The following MDGA2 variants were observed in gnomAD, a reference collection of about 807,000 sequenced individuals.
MDGA2 encodes MAM domain containing glycosylphosphatidylinositol anchor 2, also known as MAM domain-containing glycosylphosphatidylinositol anchor protein 2.
MDGA2 carries 40 observed loss-of-function variants against 117.8 expected under a neutral mutation model. The observed-to-expected ratio is 0.34, with a 90% CI of 0.26 to 0.44. MDGA2 has a LOEUF of 0.44. Among genes scored for constraint, MDGA2 ranks in the 20% least tolerant of loss-of-function variants. The probability of loss-of-function intolerance (pLI) is 1.00; values close to 1 mark genes in which losing one functional copy is unlikely to be tolerated. For missense variants in MDGA2, 1,123 were observed against 1,250.6 expected (o/e 0.90, Z 1.54); for synonymous variants, 452 against 439.0 (o/e 1.03, Z -0.37).
At chr14:47,046,600 T>A (rs373991208) in intron 7 of MDGA2, among the ~76,000 whole-genome samples, 1 of 124,112 alleles carries the variant, frequency 8.1e-6, no homozygotes, top group Non-Finnish European at 1.8e-5. Flanking sequence ...TAAAGTATAA[T>A]AAAAATAAAT....
intron 4 of MDGA2, among the ~76,000 whole-genome samples, chr14:47,140,347 G>A (rs1475014046): frequency 2.6e-5 from 4 of 151,984 alleles, no homozygotes; most frequent in East Asian, 3.9e-4. Flanking sequence ...AAATTTCTAT[G>A]AAACCACAAA....
chr14:47,631,746 C>A (rs1897251134), intron 1 of MDGA2, among the ~76,000 whole-genome samples: 1 of 152,068 alleles, frequency 6.6e-6, no homozygotes, highest in Admixed American at 6.5e-5. Flanking sequence ...TTTGTAAGGT[C>A]CTTCTTAGTC....
chr14:47,530,321 G>A (rs1055158946), intron 1 of MDGA2, among the ~76,000 whole-genome samples: 2 of 152,102 alleles, frequency 1.3e-5, no homozygotes, highest in Non-Finnish European at 2.9e-5. Flanking sequence ...CTAGCTTCAC[G>A]TCCTGTTTCT....
intron 1 of MDGA2, among the ~76,000 whole-genome samples, chr14:47,544,763 A>G (rs2138763676): frequency 6.6e-6 from 1 of 152,234 alleles, no homozygotes; most frequent in Middle Eastern, 3.4e-3. Flanking sequence ...TCCAGTCTGT[A>G]CTAGATAATA....
chr14:47,625,317 A>T (rs77380621), intron 1 of MDGA2, among the ~76,000 whole-genome samples: 4,437 of 152,250 alleles, frequency 0.029, 71 homozygotes, highest in South Asian at 0.046. Context: ...AAACAAAAAA[A>T]AAAGTATGTC....
rs185674910 is a variant in MDGA2, at chr14:47,472,281, T to C, written c.281-170731A>G. Among the ~76,000 whole-genome samples the C allele has an allele frequency of 3.3e-5, 5 of 152,270 alleles. No individual in the cohort carries two copies. The East Asian group carries it at 9.7e-4, about 29-fold the overall frequency. ...TCTGAGAAATGCATCACTAGGCAATTCTGTCATTGTGCAAACATCATGGAC... is the reference window on the plus strand; with the variant it reads ...TCTGAGAAATGCATCACTAGGCAATCCTGTCATTGTGCAAACATCATGGAC... On this transcript the variant is annotated intron_variant, in intron 1 of 16. Transcript: ENST00000399232.
At chr14:47,290,319 G>T (rs1416813512) in intron 2 of MDGA2, among the ~76,000 whole-genome samples, 1 of 152,004 alleles carries the variant, frequency 6.6e-6, no homozygotes, top group Non-Finnish European at 1.5e-5. Context: ...TCTGCCATAT[G>T]AGATTAAAAT....
At chr14:46,964,128 A>G (rs1435470842) in intron 8 of MDGA2, among the ~76,000 whole-genome samples, 1 of 152,024 alleles carries the variant, frequency 6.6e-6, no homozygotes, top group East Asian at 1.9e-4. Flanking sequence ...TAAAACTTCA[A>G]CCTCTCCTCT....
At chr14:47,186,739 C>T (rs934440812) in intron 3 of MDGA2, among the ~76,000 whole-genome samples, 2 of 151,924 alleles carry the variant, frequency 1.3e-5, no homozygotes, top group Admixed American at 6.6e-5. Context: ...GTCATTGAAA[C>T]CTCTAGTAAT....
intron 8 of MDGA2, among the ~76,000 whole-genome samples, chr14:46,971,348 A>G (rs1886256013): frequency 6.6e-6 from 1 of 152,168 alleles, no homozygotes; most frequent in Non-Finnish European, 1.5e-5. Context: ...GTAAAGTAGC[A>G]TATGTACACA....
At chr14:47,031,214 A>T (rs74044428) in intron 8 of MDGA2, among the ~76,000 whole-genome samples, 20,766 of 133,864 alleles carry the variant, frequency 0.16, 1,521 homozygotes, top group Admixed American at 0.24. Context: ...ATTTAGAAAT[A>T]TATATATATA....
chr14:47,068,272 C>T (rs551342644), intron 6 of MDGA2, among the ~76,000 whole-genome samples: 29 of 151,758 alleles, frequency 1.9e-4, no homozygotes, highest in African/African-American at 6.5e-4. Context: ...AAAGAAAGGA[C>T]GTTTTAGGCA....
At chr14:47,213,132 CA>C (rs202033614) in intron 3 of MDGA2, among the ~76,000 whole-genome samples, 12 of 151,084 alleles carry the variant, frequency 7.9e-5, no homozygotes, top group Non-Finnish European at 1.6e-4. Flanking sequence ...GTGCATTAGC[CA>C]AAAAAAACTG....
In MDGA2 at chr14:47,537,609, A is replaced by C. The variant is rs866290359; in HGVS notation, c.280+136908T>G. Among the ~76,000 whole-genome samples, 453 of 136,276 alleles carry C rather than the reference A, an allele frequency of 3.3e-3. 1 individual carries two copies. The highest frequency in any genetic ancestry group is 0.011 in the Middle Eastern group (3 of 264). The allele number at this position is 136,276 out of a possible 152,430, so 89.4% of individuals were successfully genotyped here. ...AAAAAAAAAAAAAAAAAAAAAAAAA[A>C]AAAAACTTAAAAATAAGCAAAAGCT... On this transcript the variant is annotated intron_variant, in intron 1 of 16. Coordinates refer to ENST00000399232, the MANE Select transcript of MDGA2 (RefSeq NM_001113498.3).
intron 1 of MDGA2, among the ~76,000 whole-genome samples, chr14:47,314,867 A>G (rs1418135194): frequency 2.6e-5 from 4 of 152,186 alleles, no homozygotes; most frequent in Non-Finnish European, 5.9e-5. Context: ...GGTATAGTTT[A>G]TTGACATGAC....
At chr14:47,308,293 T>C (rs954239082) in intron 1 of MDGA2, among the ~76,000 whole-genome samples, 8 of 152,146 alleles carry the variant, frequency 5.3e-5, no homozygotes, top group South Asian at 2.1e-4. Context: ...AAACTGAATA[T>C]TTCAACAATA....
At chr14:47,097,683 C>A (rs1448080817) in intron 5 of MDGA2, among the ~76,000 whole-genome samples, 1 of 151,946 alleles carries the variant, frequency 6.6e-6, no homozygotes, top group African/African-American at 2.4e-5. Flanking sequence ...TCATCTAATT[C>A]TAATGCAGTG....
intron 2 of MDGA2, among the ~76,000 whole-genome samples, chr14:47,295,334 C>A (rs1343811012): frequency 6.6e-6 from 1 of 152,106 alleles, no homozygotes; most frequent in African/African-American, 2.4e-5. Context: ...ATACTGGTTA[C>A]AATTAAATTG....
chr14:47,665,704 CCCAGCACTGCTGGCCCA>C (rs955505130), intron 1 of MDGA2, among the ~76,000 whole-genome samples: 4 of 152,162 alleles, frequency 2.6e-5, no homozygotes, highest in African/African-American at 9.6e-5. Flanking sequence ...TGCCAGGTCC[CCCAGCACTGCTGGCCCA>C]CCAGCACTGC....
Sources: gnomAD v4.1 joint callset for allele counts (sites outside exome capture counted in the v4.1 genomes callset) on GRCh38, gnomAD v4.1.1 for gene constraint, MANE v1.5 for transcripts, NCBI Gene and HGNC (gene_info 2026-07-23, HGNC 2026-07-21) for gene names.